Variants in LURAP1 observed in about 807,000 individuals in gnomAD.
LURAP1 encodes leucine rich adaptor protein 1, also known as NF-kappa-B activator C1orf190.
LURAP1 carries 14 observed loss-of-function variants against 19.0 expected under a neutral mutation model. The observed-to-expected ratio is 0.74, with a 90% confidence interval of 0.49 to 1.15. LURAP1 has a LOEUF of 1.15. LURAP1 is among the 50% of genes most tolerant of loss of function. LURAP1 has a pLI of 0.00. For synonymous variants in LURAP1, 129 were observed against 131.8 expected (o/e 0.98, Z 0.14); for missense variants, 273 against 309.1 (o/e 0.88, Z 0.87).
chr1:46,210,636 A>G (rs1249678239), intron 1 of LURAP1, among the ~76,000 whole-genome samples: 1 of 152,158 alleles, frequency 6.6e-6, no homozygotes, highest in African/African-American at 2.4e-5. Context: ...GTTTATTATA[A>G]GGATATTACA....
At chr1:46,210,035 T>C (rs913023374) in intron 1 of LURAP1, among the ~76,000 whole-genome samples, 1 of 152,192 alleles carries the variant, frequency 6.6e-6, no homozygotes, top group Non-Finnish European at 1.5e-5. Context: ...TAATAGTCTG[T>C]ACAGTCTGAT....
At position 46,212,569 on chromosome 1, in the gene LURAP1, C is replaced by CCG. The variant is rs1209089830; in HGVS notation, c.199-7130_199-7129insCG. 3.4e-3 allele frequency among the ~76,000 whole-genome samples: 519 copies of CCG among 151,866 alleles called. 1 individual carries two copies. Among genetic ancestry groups the CCG allele is most frequent in the Non-Finnish European group, 5.7e-3 (388 of 67,936 alleles). On this transcript the variant is annotated intron_variant, in intron 1 of 1. Transcript: ENST00000371980. ...GTGCTGGGATTACAGGCGTGAGCCA[C>CCG]TGCACCCGGCCAAATTTTTTTTTTT...
In LURAP1 at chr1:46,221,108, C is replaced by T. The variant is rs1251877643; in HGVS notation, c.*888C>T. The stretch of plus-strand genomic sequence containing the variant: ...TCATATAGGGGCATCTGAGCCCCTG[C>T]TGCTAAGTGAGATCACATTATTTAT... On this transcript the variant is annotated 3_prime_UTR_variant, in exon 2 of 2. Coordinates refer to ENST00000371980, the MANE Select transcript of LURAP1 (RefSeq NM_001013615.3). 1 of 152,244 alleles carries T rather than the reference C, an allele frequency of 6.6e-6. No individual in the cohort carries two copies. The highest frequency in any genetic ancestry group is 1.5e-5 in the Non-Finnish European group (1 of 68,054). The allele number at this position is 152,244 out of a possible 1,614,324, so 9.4% of individuals were successfully genotyped here. A position where few individuals can be genotyped will look rare whatever the true frequency, so the allele number is the denominator to read the frequency against.
chr1:46,204,915 C>G (rs1658663684), intron 1 of LURAP1, among the ~76,000 whole-genome samples: 2 of 152,220 alleles, frequency 1.3e-5, no homozygotes, highest in South Asian at 2.1e-4. Context: ...ACATGATGCT[C>G]TCTTCATCTC....
rs1318622102 is a variant in LURAP1 at position 46,219,714 on chromosome 1, A to G, written c.214A>G (p.Ile72Val). 1 of 1,595,780 alleles carries G rather than the reference A, an allele frequency of 6.3e-7. No homozygotes were observed. The highest frequency in any genetic ancestry group is 8.5e-7 in the Non-Finnish European group (1 of 1,169,880). ...ACTCCCCCAGGCTTACCTGCGAGCC[A>G]TCGATGTGAAGATCCTGCAGCAGCT... The part of the protein sequence containing the change: ...LKMELAYLRA[I>V]DVKILQQLVT... The change falls in exon 2 of 2, where the codon ATC becomes GTC. Residue 72 changes from isoleucine (I) to valine (V), a missense_variant. Coordinates refer to ENST00000371980, the MANE Select transcript of LURAP1 (RefSeq NM_001013615.3).
At chr1:46,219,586 C>A in intron 1 of LURAP1, 113 bp from the exon 2 acceptor site, 1 of 1,183,438 alleles carries the variant, frequency 8.4e-7, no homozygotes, top group Non-Finnish European at 1.2e-6. Flanking sequence ...GTTATAATTC[C>A]ATCCGTCTTA....
chr1:46,219,626 G>T, intron 1 of LURAP1, 73 bp from the exon 2 acceptor site: 1 of 1,457,900 alleles, frequency 6.9e-7, no homozygotes. Context: ...GAACCACAAG[G>T]TAGTGGCCTG....
At chr1:46,219,225 G>A (rs1431372815) in intron 1 of LURAP1, among the ~76,000 whole-genome samples, 1 of 151,976 alleles carries the variant, frequency 6.6e-6, no homozygotes, top group Non-Finnish European at 1.5e-5. Context: ...AACCCAGGAG[G>A]CGGAGGTTGC....
intron 1 of LURAP1, among the ~76,000 whole-genome samples, chr1:46,212,351 G>A (rs986779643): frequency 1.3e-5 from 2 of 150,936 alleles, no homozygotes; most frequent in African/African-American, 4.9e-5. Flanking sequence ...CGCGATCTCA[G>A]CTCACTGCAA....
At position 46,219,901 on chromosome 1, in the gene LURAP1, GCAC is replaced by G. The variant is rs773680596; in HGVS notation, c.406_408del (p.Thr136del). The G allele has an allele frequency of 1.7e-5, 28 of 1,613,874 alleles. No homozygotes were observed. Among genetic ancestry groups the G allele is most frequent in the Non-Finnish European group, 1.8e-5 (21 of 1,179,914 alleles). On this transcript the variant is annotated inframe_deletion, in exon 2 of 2. Coordinates refer to ENST00000371980, the MANE Select transcript of LURAP1 (RefSeq NM_001013615.3). ...AGCTGGGACAGCCTGCCAGACACCA[GCAC>G]CACCGACCGGCTGGACAGTGTCTCT...
rs1294036034 is a variant in LURAP1 at position 46,213,386 on chromosome 1, C to T, written c.199-6313C>T. Among the ~76,000 whole-genome samples, 8 of 100,214 alleles carry T rather than the reference C, an allele frequency of 8.0e-5. No homozygotes were observed. In the East Asian group the frequency reaches 3.6e-3, roughly 45 times the overall value. 65.7% of individuals were successfully genotyped at this position (100,214 alleles called of 152,430 possible). ...GTATATAAATTTTTTAAAATGTCAT[C>T]TAGTTTGTGCATTTACCCTGTCATA... is the stretch of plus-strand genomic sequence containing the variant. On this transcript the variant is annotated intron_variant, in intron 1 of 1. Coordinates refer to ENST00000371980, the MANE Select transcript of LURAP1 (RefSeq NM_001013615.3).
In LURAP1 at chr1:46,203,479, A is replaced by C; in HGVS notation, c.53A>C (p.Lys18Thr). 1 of 1,524,048 alleles carries C rather than the reference A, an allele frequency of 6.6e-7. No homozygotes were observed. The highest frequency in any genetic ancestry group is 8.8e-7 in the Non-Finnish European group (1 of 1,136,658). The allele number at this position is 1,524,048 out of a possible 1,614,324, so 94.4% of individuals were successfully genotyped here. A position where few individuals can be genotyped will look rare whatever the true frequency, so the allele number is the denominator to read the frequency against. The change falls in exon 1 of 2, where the codon AAG (lysine) becomes ACG (threonine). Residue 18 changes from lysine to threonine, a missense_variant. By Grantham distance (78) the Lys-to-Thr change is moderately conservative. Coordinates refer to ENST00000371980, the MANE Select transcript of LURAP1 (RefSeq NM_001013615.3). ...QTPDLRDVEG[K>T]VGRKTPEGLL... ...CCTGACCTGCGGGATGTGGAGGGTA[A>C]GGTGGGCAGGAAGACCCCTGAAGGG...
chr1:46,219,855 C>T lies in LURAP1; in HGVS notation c.355C>T (p.Pro119Ser), dbSNP rs371796213. 1.6e-5 allele frequency: 26 copies of T among 1,613,924 alleles called. No homozygotes were observed. The highest frequency in any genetic ancestry group is 1.9e-5 in the Non-Finnish European group (23 of 1,179,950). ...SSQYSLTGGSPGRSRRGSWDS... is the reference protein window; with the variant it reads ...SSQYSLTGGSSGRSRRGSWDS... ...TCAATATAGCCTGACAGGCGGGAGCCCAGGCCGCTCAAGGCGAGGCAGCTG... is the reference window on the plus strand; with the variant it reads ...TCAATATAGCCTGACAGGCGGGAGCTCAGGCCGCTCAAGGCGAGGCAGCTG... The change falls in exon 2 of 2, where the codon CCA becomes TCA. Residue 119 changes from proline (P) to serine (S), a missense_variant. Pro to Ser is a moderately conservative substitution (Grantham distance 74). Transcript: ENST00000371980.
chr1:46,210,650 G>T (rs1238207325), intron 1 of LURAP1, among the ~76,000 whole-genome samples: 2 of 152,158 alleles, frequency 1.3e-5, no homozygotes, highest in African/African-American at 4.8e-5. Context: ...TATTACAAAG[G>T]ATATAGATGA....
intron 1 of LURAP1, among the ~76,000 whole-genome samples, chr1:46,216,043 C>CTTTTTTTTTTTTTTTTTTT (rs141982741): frequency 1.1e-5 from 1 of 92,540 alleles, no homozygotes; most frequent in African/African-American, 4.3e-5. Context: ...TTTATTTTAT[C>CTTTTTTTTTTTTTTTTTTT]TTTTTTTTTT....
intron 1 of LURAP1, among the ~76,000 whole-genome samples, chr1:46,207,419 C>G (rs1321512138): frequency 6.6e-6 from 1 of 151,618 alleles, no homozygotes; most frequent in Non-Finnish European, 1.5e-5. Context: ...CAGCTCATGT[C>G]CCTTATCCTA....
intron 1 of LURAP1, among the ~76,000 whole-genome samples, chr1:46,209,089 A>G (rs1267978656): frequency 6.6e-6 from 1 of 152,042 alleles, no homozygotes; most frequent in Non-Finnish European, 1.5e-5. Context: ...CAATGGCGCA[A>G]TCTTGGCTCA....
At chr1:46,214,752 G>A (rs1396280232) in intron 1 of LURAP1, among the ~76,000 whole-genome samples, 2 of 150,344 alleles carry the variant, frequency 1.3e-5, no homozygotes, top group Admixed American at 6.8e-5. Flanking sequence ...TGTAATTCCA[G>A]TTACTTGGGA....
intron 1 of LURAP1, among the ~76,000 whole-genome samples, chr1:46,208,735 G>A (rs959605543): frequency 1.3e-5 from 2 of 152,122 alleles, no homozygotes; most frequent in African/African-American, 2.4e-5. Flanking sequence ...CAGCTACTAG[G>A]GAAGCTGAGG....
Sources: allele counts gnomAD v4.1 joint callset (sites outside exome capture counted in the v4.1 genomes callset), GRCh38; gene constraint gnomAD v4.1.1; transcripts MANE v1.5; gene names NCBI Gene and HGNC (gene_info 2026-07-23, HGNC 2026-07-21).